Variants in TNR observed in about 807,000 individuals in gnomAD.
TNR encodes tenascin-R.
TNR carries 45 observed loss-of-function variants against 150.4 expected under a neutral mutation model. The ratio of observed to expected loss-of-function variants is 0.30; its 90% CI spans 0.24 to 0.38. The LOEUF is 0.38. Among genes scored for constraint, TNR ranks in the 10% least tolerant of loss-of-function variants. The pLI is 1.00. For missense variants in TNR, 1,544 were observed against 1,759.1 expected, an observed-to-expected ratio of 0.88 and a Z score of 2.19; for synonymous variants, 687 against 678.4, an observed-to-expected ratio of 1.01 and a Z score of -0.20.
intron 1 of TNR, among the ~76,000 whole-genome samples, chr1:175,710,267 A>G (rs946121676): frequency 6.6e-6 from 1 of 152,052 alleles, no homozygotes; most frequent in Non-Finnish European, 1.5e-5. Flanking sequence ...GTGCGTAGAC[A>G]TGGGAAGGGA....
intron 1 of TNR, among the ~76,000 whole-genome samples, chr1:175,740,323 G>T (rs1558099773): frequency 6.6e-6 from 1 of 152,136 alleles, no homozygotes; most frequent in Non-Finnish European, 1.5e-5. Flanking sequence ...GAAGCACAGG[G>T]AACTTTTATA....
intron 1 of TNR, among the ~76,000 whole-genome samples, chr1:175,696,866 C>A (rs557342541): frequency 7.9e-6 from 1 of 126,002 alleles, no homozygotes; most frequent in Non-Finnish European, 1.6e-5. Context: ...GCAACAAGAG[C>A]GAAACTCCAT....
At chr1:175,394,045 C>T (rs1653304805) in intron 5 of TNR, 150 bp from the exon 6 acceptor site, 1 of 636,224 alleles carries the variant, frequency 1.6e-6, no homozygotes, top group Non-Finnish European at 2.8e-6. Flanking sequence ...CACAGTGAGT[C>T]CCAGGTGCAG....
chr1:175,431,913 C>CTCTCTCTCTCTCTCTCTCTCTCTCTCCT (rs1553221260), intron 2 of TNR, among the ~76,000 whole-genome samples: 4 of 149,552 alleles, frequency 2.7e-5, no homozygotes, highest in African/African-American at 9.8e-5. Context: ...ACCATAATAT[C>CTCTCTCTCTCTCTCTCTCTCTCTCTCCT]TCTCTCTCTC....
At chr1:175,518,273 C>T (rs1347056002) in intron 2 of TNR, among the ~76,000 whole-genome samples, 1 of 152,204 alleles carries the variant, frequency 6.6e-6, no homozygotes, top group East Asian at 1.9e-4. Flanking sequence ...CAACAAATGC[C>T]TTGTACAAGC....
chr1:175,431,745 G>C (rs868626898), intron 2 of TNR, among the ~76,000 whole-genome samples: 8 of 151,890 alleles, frequency 5.3e-5, no homozygotes, highest in South Asian at 4.2e-4. Flanking sequence ...TAGTCTTCTG[G>C]TCCCTCAAGG....
In TNR at chr1:175,406,554, T is replaced by C. The variant is rs748149471; in HGVS notation, c.161A>G (p.Tyr54Cys). 1.9e-6 allele frequency: 3 copies of C among 1,614,194 alleles called. No individual in the cohort carries two copies. The highest frequency in any genetic ancestry group is 2.2e-5 in the East Asian group (1 of 44,878). Reference sequence around the variant, plus strand: ...AGGCTGCTCTTTGCTGGATGTGTTGTAGTTGGCAATGCCTCCCTCCTCCTC... The same window carrying C: ...AGGCTGCTCTTTGCTGGATGTGTTGCAGTTGGCAATGCCTCCCTCCTCCTC... ...SVEEEGGIANYNTSSKEQPVV... is the reference protein window; with the variant it reads ...SVEEEGGIANCNTSSKEQPVV... The change falls in exon 3 of 23, where the codon TAC (tyrosine) becomes TGC (cysteine). Residue 54 changes from tyrosine to cysteine, a missense_variant. By Grantham distance (194) the Tyr-to-Cys change is radical. Around this residue, in one of 2 missense-constraint regions of TNR, gnomAD observed 1,254 missense variants for 1,329.4 expected, o/e 0.94. Coordinates refer to ENST00000367674, the MANE Select transcript of TNR (RefSeq NM_003285.3).
At chr1:175,562,427 C>A (rs1558007759) in intron 1 of TNR, among the ~76,000 whole-genome samples, 1 of 152,152 alleles carries the variant, frequency 6.6e-6, no homozygotes, top group Non-Finnish European at 1.5e-5. Context: ...GCCTAAGGAG[C>A]AAGGCTGAGA....
At chr1:175,474,661 G>A (rs1480305416) in intron 2 of TNR, among the ~76,000 whole-genome samples, 1 of 152,248 alleles carries the variant, frequency 6.6e-6, no homozygotes, top group Non-Finnish European at 1.5e-5. Context: ...GTGTGCCCTG[G>A]AGTGAGGTCA....
At chr1:175,571,706 G>A (rs183818548) in intron 1 of TNR, among the ~76,000 whole-genome samples, 42 of 152,198 alleles carry the variant, frequency 2.8e-4, no homozygotes, top group Admixed American at 1.0e-3. Flanking sequence ...ACCTCCAGGC[G>A]TGAATTCATC....
chr1:175,663,851 A>G (rs1456379948), intron 1 of TNR, among the ~76,000 whole-genome samples: 1 of 152,238 alleles, frequency 6.6e-6, no homozygotes, highest in Non-Finnish European at 1.5e-5. Flanking sequence ...ATATCACCCA[A>G]TTGACAGGAA....
At chr1:175,725,321 C>T (rs927708977) in intron 1 of TNR, among the ~76,000 whole-genome samples, 6 of 152,148 alleles carry the variant, frequency 3.9e-5, no homozygotes, top group African/African-American at 1.4e-4. Flanking sequence ...ATAAGTGAAC[C>T]TTCCCATAGC....
Position 175,657,883 on chromosome 1 carries a change from A to ATATATATATATATATATATATATATATG in TNR, c.-165+85342_-165+85343insCATATATATATATATATATATATATATA, listed in dbSNP as rs1464419575. Among the ~76,000 whole-genome samples, 43 of 101,114 alleles carry ATATATATATATATATATATATATATATG rather than the reference A, an allele frequency of 4.3e-4. 2 individuals are homozygous for ATATATATATATATATATATATATATATG. Among genetic ancestry groups the ATATATATATATATATATATATATATATG allele is most frequent in the African/African-American group, 7.9e-4 (22 of 27,694 alleles). 66.3% of individuals were successfully genotyped at this position (101,114 alleles called of 152,430 possible). On this transcript the variant is annotated intron_variant, in intron 1 of 22. Coordinates refer to ENST00000367674, the MANE Select transcript of TNR (RefSeq NM_003285.3). ...TATATATATATATATATATATATATATGTAACAAACCTGCACGTTGTGCAC... is the reference window on the plus strand; with the variant it reads ...TATATATATATATATATATATATATATATATATATATATATATATATATATATGTGTAACAAACCTGCACGTTGTGCAC...
intron 1 of TNR, among the ~76,000 whole-genome samples, chr1:175,551,782 T>C (rs1426305005): frequency 6.6e-6 from 1 of 152,160 alleles, no homozygotes; most frequent in Non-Finnish European, 1.5e-5. Context: ...CTAACAAAGG[T>C]AAAATAATGA....
intron 1 of TNR, among the ~76,000 whole-genome samples, chr1:175,546,195 C>G (rs999064180): frequency 5.9e-5 from 9 of 152,170 alleles, no homozygotes; most frequent in African/African-American, 2.2e-4. Context: ...TTGTGGTGCA[C>G]TTGTGCTCAT....
rs75229988 is a variant in TNR at position 175,425,547 on chromosome 1, C to T, written c.-63-18770G>A. Among the ~76,000 whole-genome samples, 1,206 of 152,218 alleles carry T rather than the reference C, an allele frequency of 7.9e-3. 9 individuals carry two copies. Among genetic ancestry groups the T allele is most frequent in the East Asian group, 0.026 (132 of 5,176 alleles). On this transcript the variant is annotated intron_variant, in intron 2 of 22. Coordinates refer to ENST00000367674, the MANE Select transcript of TNR (RefSeq NM_003285.3). ...ATGACTCTCCTGGGTAATTCATAAG[C>T]ATGGGATGGAATTGGTTTTTATAAA...
chr1:175,456,127 C>G (rs946743872), intron 2 of TNR, among the ~76,000 whole-genome samples: 1 of 152,188 alleles, frequency 6.6e-6, no homozygotes, highest in African/African-American at 2.4e-5. Flanking sequence ...ACTAGCTTTC[C>G]TGATGACTCC....
chr1:175,541,852 A>G (rs1225716018), intron 1 of TNR, among the ~76,000 whole-genome samples: 1 of 152,220 alleles, frequency 6.6e-6, no homozygotes, highest in Non-Finnish European at 1.5e-5. Context: ...AAATGGGGTT[A>G]ATATCACCAC....
chr1:175,631,564 T>A (rs988088533), intron 1 of TNR, among the ~76,000 whole-genome samples: 1 of 152,216 alleles, frequency 6.6e-6, no homozygotes, highest in Non-Finnish European at 1.5e-5. Flanking sequence ...CTTCTTCCAA[T>A]GTGGCCTAAG....
Sources: gnomAD v4.1 joint callset for allele counts (sites outside exome capture counted in the v4.1 genomes callset) on GRCh38, gnomAD v4.1.1 for gene constraint, gnomAD v4.1.1 regional missense constraint, MANE v1.5 for transcripts, NCBI Gene and HGNC (gene_info 2026-07-23, HGNC 2026-07-21) for gene names.